Variants in PALM2AKAP2 observed in about 807,000 individuals in gnomAD.
PALM2AKAP2 encodes PALM2 and AKAP2 fusion.
Under a neutral mutation model 71.5 loss-of-function variants are expected in PALM2AKAP2, and 37 were observed. The observed-to-expected ratio is 0.52, with a 90% CI of 0.40 to 0.68. PALM2AKAP2 has a LOEUF of 0.68. Ranked by LOEUF, PALM2AKAP2 falls within the 30% of genes least tolerant of loss-of-function variation. PALM2AKAP2 has a pLI of 0.00. For synonymous variants in PALM2AKAP2, 468 were observed against 478.8 expected, an observed-to-expected ratio of 0.98 and a Z score of 0.29; for missense variants, 1,224 against 1,191.8, an observed-to-expected ratio of 1.03 and a Z score of -0.40.
At chr9:110,093,736 G>A (rs767712990) in intron 1 of PALM2AKAP2, among the ~76,000 whole-genome samples, 2 of 152,114 alleles carry the variant, frequency 1.3e-5, no homozygotes, top group Admixed American at 6.5e-5. Context: ...AGTCTGGAAG[G>A]CATCACACTA....
At chr9:109,780,407 G>A (rs575990217), upstream of PALM2AKAP2, 122 of 1,610,614 alleles carry the variant, frequency 7.6e-5, no homozygotes, top group African/African-American at 1.4e-3. Flanking sequence ...AAAGCCCCCC[G>A]GGGTGCCCAT....
intron 1 of PALM2AKAP2, among the ~76,000 whole-genome samples, chr9:110,064,112 T>C (rs976873438): frequency 6.6e-6 from 1 of 152,074 alleles, no homozygotes; most frequent in Admixed American, 6.5e-5. Flanking sequence ...ACCTTGCAAA[T>C]CTTGTTGATG....
intron 1 of PALM2AKAP2, among the ~76,000 whole-genome samples, chr9:109,819,246 C>T (rs1827927596): frequency 6.6e-6 from 1 of 152,156 alleles, no homozygotes; most frequent in South Asian, 2.1e-4. Flanking sequence ...TCAATCATAA[C>T]TAAATTTATT....
At chr9:109,849,716 A>T (rs1429364980) in intron 1 of PALM2AKAP2, among the ~76,000 whole-genome samples, 1 of 152,190 alleles carries the variant, frequency 6.6e-6, no homozygotes, top group Non-Finnish European at 1.5e-5. Context: ...AGATTGTGCC[A>T]TTGCACTCCA....
At chr9:109,713,002 A>T (rs1021479524) in intron 1 of PALM2AKAP2, among the ~76,000 whole-genome samples, 14 of 152,360 alleles carry the variant, frequency 9.2e-5, no homozygotes, top group African/African-American at 3.1e-4. Context: ...AGATGAATGG[A>T]TGGAGATATT....
intron 6 of PALM2AKAP2, among the ~76,000 whole-genome samples, chr9:109,987,607 A>G (rs1474887485): frequency 6.6e-6 from 1 of 152,212 alleles, no homozygotes; most frequent in Admixed American, 6.5e-5. Flanking sequence ...AGTAACAGAA[A>G]ATTATATCTC....
intron 1 of PALM2AKAP2, among the ~76,000 whole-genome samples, chr9:109,850,844 T>C (rs894277952): frequency 6.6e-6 from 1 of 152,200 alleles, no homozygotes; most frequent in African/African-American, 2.4e-5. Context: ...TGAGATTGCA[T>C]GTGCCCTGCA....
At chr9:110,166,857 T>C (rs1836748651) in intron 3 of PALM2AKAP2, among the ~76,000 whole-genome samples, 1 of 152,198 alleles carries the variant, frequency 6.6e-6, no homozygotes, top group African/African-American at 2.4e-5. Flanking sequence ...CTGCATCTCC[T>C]TGCTTCTCTG....
chr9:109,800,463 C>G (rs1030736174), intron 1 of PALM2AKAP2, among the ~76,000 whole-genome samples: 5 of 152,184 alleles, frequency 3.3e-5, no homozygotes, highest in Admixed American at 3.3e-4. Context: ...AAACTCAGAT[C>G]TGTCTGGCTC....
chr9:110,106,189 C>T (rs1013060842), intron 1 of PALM2AKAP2, among the ~76,000 whole-genome samples: 3 of 152,106 alleles, frequency 2.0e-5, no homozygotes, highest in Admixed American at 6.6e-5. Context: ...AACCTTGGGC[C>T]CATCAGGTTA....
intron 1 of PALM2AKAP2, among the ~76,000 whole-genome samples, chr9:110,093,936 A>G (rs989271302): frequency 1.3e-5 from 2 of 152,212 alleles, no homozygotes; most frequent in African/African-American, 4.8e-5. Context: ...AGTGGTCTCA[A>G]CTGAGGGCTG....
intron 2 of PALM2AKAP2, among the ~76,000 whole-genome samples, chr9:110,144,551 A>C (rs565300225): frequency 1.6e-4 from 25 of 152,340 alleles, no homozygotes; most frequent in African/African-American, 6.0e-4. Flanking sequence ...CTAGATTCAG[A>C]CTTTTTCTGA....
At chr9:109,828,226 G>A (rs1355406245) in intron 1 of PALM2AKAP2, among the ~76,000 whole-genome samples, 1 of 152,286 alleles carries the variant, frequency 6.6e-6, no homozygotes, top group African/African-American at 2.4e-5. Context: ...TTTCTTTGGG[G>A]TGTGTATGTG....
chr9:110,009,500 G>A (rs1366566775), intron 6 of PALM2AKAP2, among the ~76,000 whole-genome samples: 1 of 151,994 alleles, frequency 6.6e-6, no homozygotes, highest in African/African-American at 2.4e-5. Context: ...GGATCACGAG[G>A]TCAGGAGACC....
chr9:109,732,987 G>A (rs2475429), intron 1 of PALM2AKAP2, among the ~76,000 whole-genome samples: 22,312 of 152,174 alleles, frequency 0.15, 2,055 homozygotes, highest in Non-Finnish European at 0.21. Context: ...ATGGTAAGAA[G>A]TGAGTTCTGA....
intron 1 of PALM2AKAP2, among the ~76,000 whole-genome samples, chr9:109,844,116 T>C (rs957020972): frequency 1.3e-4 from 20 of 152,248 alleles, no homozygotes; most frequent in Non-Finnish European, 2.6e-4. Flanking sequence ...CTAACATTTA[T>C]TGAGCGAGTA....
At chr9:109,824,989 T>G (rs1321446916) in intron 1 of PALM2AKAP2, among the ~76,000 whole-genome samples, 1 of 152,244 alleles carries the variant, frequency 6.6e-6, no homozygotes, top group Non-Finnish European at 1.5e-5. Flanking sequence ...AGAATTCAAA[T>G]GTAAAAGTGT....
intron 1 of PALM2AKAP2, among the ~76,000 whole-genome samples, chr9:109,722,558 A>T (rs1440794469): frequency 6.6e-6 from 1 of 152,154 alleles, no homozygotes; most frequent in Non-Finnish European, 1.5e-5. Context: ...GGTTGCCTGA[A>T]TCCAGGAGCT....
chr9:109,846,458 C>A (rs187111899), intron 1 of PALM2AKAP2, among the ~76,000 whole-genome samples: 44 of 152,324 alleles, frequency 2.9e-4, no homozygotes, highest in Admixed American at 2.4e-3. Context: ...ACACTTAGCC[C>A]TCACCAAGCT....
Sources: allele counts gnomAD v4.1 joint callset (sites outside exome capture counted in the v4.1 genomes callset), GRCh38; gene constraint gnomAD v4.1.1; transcripts MANE v1.5; gene names NCBI Gene and HGNC (gene_info 2026-07-23, HGNC 2026-07-21).